The following PLK3 variants were observed in gnomAD, a reference collection of about 807,000 sequenced individuals.
PLK3 encodes serine/threonine-protein kinase PLK3.
A neutral mutation model predicts 71.6 loss-of-function variants in PLK3; 41 were observed. The observed-to-expected ratio is 0.57, with a 90% CI of 0.45 to 0.74. The LOEUF is 0.74. Ranked by LOEUF, PLK3 falls within the 30% of genes least tolerant of loss-of-function variation. The pLI is 0.00. For missense variants in PLK3, 791 were observed against 875.6 expected, an observed-to-expected ratio of 0.90 and a Z score of 1.22; for synonymous variants, 366 against 355.4, an observed-to-expected ratio of 1.03 and a Z score of -0.33.
At position 44,803,199 on chromosome 1, in the gene PLK3, G is replaced by T. The variant is rs762324297; in HGVS notation, c.948+46G>T. The T allele has an allele frequency of 4.0e-5, 65 of 1,611,852 alleles. No homozygotes were observed. The highest frequency in any genetic ancestry group is 5.3e-5 in the Non-Finnish European group (62 of 1,178,302). Reference sequence around the variant, plus strand: ...CTAAGTCCATCTGTGTATTCCCAGGGATTGAAAGGGGGCAGGTGACAGGAC... The same window carrying T: ...CTAAGTCCATCTGTGTATTCCCAGGTATTGAAAGGGGGCAGGTGACAGGAC... On this transcript the variant is annotated intron_variant, in intron 7 of 14. Coordinates refer to ENST00000372201, the MANE Select transcript of PLK3 (RefSeq NM_004073.4). The surrounding 1 kb of genome is among the most constrained non-coding windows in gnomAD (Gnocchi z 4.3).
intron 13 of PLK3, chr1:44,805,055 G>A (rs1651976775): frequency 1.7e-6 from 1 of 585,148 alleles, no homozygotes; most frequent in Non-Finnish European, 3.0e-6. Flanking sequence ...AGTGAGCAGA[G>A]ATGGCGCACC....
rs11211036 is a variant in PLK3 at position 44,804,352 on chromosome 1, G to A, written c.1356G>A (p.Pro452=). ...IAFMPPAEQN[P]APLAQPEPLV... ...CTCCCATGACAGCGGAACAGAACCC[G>A]GCCCCCCTGGCCCAGCCAGAGCCTC... Residue 452 remains proline (P), a synonymous_variant, in exon 12 of 15, where the codon CCG becomes CCA. Transcript: ENST00000372201. 1.9e-6 allele frequency: 3 copies of A among 1,613,992 alleles called. No homozygotes were observed. The highest frequency in any genetic ancestry group is 1.1e-5 in the South Asian group (1 of 91,084).
chr1:44,802,792 C>T lies in PLK3; in HGVS notation c.686C>T (p.Pro229Leu). ...TICGTPNYVA[P>L]EVLLRQGHGP... is the part of the protein sequence containing the mutation. The stretch of plus-strand genomic sequence containing the variant: ...TGTGGCACCCCCAACTATGTGGCTC[C>T]AGAAGTGCTGCTGAGACAGGGCCAC... The change falls in exon 6 of 15, where the codon CCA (proline) becomes CTA (leucine). Residue 229 changes from proline to leucine, a missense_variant. By Grantham distance (98) the Pro-to-Leu change is moderately conservative. Transcript: ENST00000372201. The T allele has an allele frequency of 6.2e-7, 1 of 1,613,788 alleles. No homozygotes were observed. Among genetic ancestry groups the T allele is most frequent in the Non-Finnish European group, 8.5e-7 (1 of 1,179,920 alleles).
At position 44,803,232 on chromosome 1, in the gene PLK3, G is replaced by A. The variant is rs1215813015; in HGVS notation, c.949-36G>A. 6.2e-7 allele frequency: 1 copy of A among 1,612,410 alleles called. No individual in the cohort carries two copies. The highest frequency in any genetic ancestry group is 1.7e-4 in the Middle Eastern group (1 of 6,056). On this transcript the variant is annotated intron_variant, in intron 7 of 14. Transcript: ENST00000372201. This position sits in a 1 kb window ranked among gnomAD's most constrained non-coding sequence, Gnocchi z 4.3. Reference sequence around the variant, plus strand: ...GGGGGCAGGTGACAGGACCCCTGGAGCCTCTCTTCTCTGTTCACATGGTTC... The same window carrying A: ...GGGGGCAGGTGACAGGACCCCTGGAACCTCTCTTCTCTGTTCACATGGTTC...
At position 44,800,882 on chromosome 1, in the gene PLK3, G is replaced by A. The variant is rs553366106; in HGVS notation, c.253G>A (p.Gly85Ser). 509 of 1,611,986 alleles carry A rather than the reference G, an allele frequency of 3.2e-4. 10 individuals carry two copies. The South Asian group carries it at 5.3e-3, about 17-fold the overall frequency. The change falls in exon 2 of 15, where the codon GGC (glycine) becomes AGC (serine). Residue 85 changes from glycine (G) to serine (S), a missense_variant. Transcript: ENST00000372201. This position sits in a 1 kb window ranked among gnomAD's most constrained non-coding sequence, Gnocchi z 6.5. ...CTACGAGGCCACTGACACAGAGACT[G>A]GCAGCGCCTACGCTGTCAAAGTCAT... is the stretch of plus-strand genomic sequence containing the variant. Reference protein sequence around the residue: ...RCYEATDTETGSAYAVKVIPQ... With the variant: ...RCYEATDTETSSAYAVKVIPQ...
intron 13 of PLK3, 96 bp downstream of exon 13, chr1:44,804,875 G>T: frequency 8.1e-7 from 1 of 1,229,956 alleles, no homozygotes; most frequent in East Asian, 2.4e-5. Flanking sequence ...GGAGGCCGAG[G>T]CGGGTGGATT....
In PLK3 at chr1:44,803,813, C is replaced by T; in HGVS notation, c.1165-118C>T. 1.8e-6 allele frequency: 2 copies of T among 1,119,006 alleles called. No homozygotes were observed. The highest frequency in any genetic ancestry group is 2.6e-5 in the East Asian group (1 of 38,768). The allele number at this position is 1,119,006 out of a possible 1,614,324, so 69.3% of individuals were successfully genotyped here. On this transcript the variant is annotated intron_variant, in intron 9 of 14. Transcript: ENST00000372201. This position sits in a 1 kb window ranked among gnomAD's most constrained non-coding sequence, Gnocchi z 4.3. ...CGTGGTGGCCTAATTGGCTGTGTGT[C>T]ACCAGCCTGGCGGGGCTGACCTGGG...
In PLK3 at chr1:44,800,852, C is replaced by T. The variant is rs775512375; in HGVS notation, c.223C>T (p.Arg75Cys). ...GRLLGKGGFA[R>C]CYEATDTETG... ...CCCCTCTTCACAGGGGGGCTTCGCC[C>T]GCTGCTACGAGGCCACTGACACAGA... The change falls in exon 2 of 15, where the codon CGC becomes TGC. Residue 75 changes from arginine (R) to cysteine (C), a missense_variant. By Grantham distance (180) the Arg-to-Cys change is radical. Coordinates refer to ENST00000372201, the MANE Select transcript of PLK3 (RefSeq NM_004073.4). This position sits in a 1 kb window ranked among gnomAD's most constrained non-coding sequence, Gnocchi z 6.5. The T allele has an allele frequency of 2.5e-6, 4 of 1,610,258 alleles. No homozygotes were observed. In the Admixed American group the frequency reaches 5.0e-5, roughly 20 times the overall value.
intron 3 of PLK3, 45 bp from the exon 4 acceptor site, chr1:44,801,577 G>T: frequency 6.3e-7 from 1 of 1,599,440 alleles, no homozygotes; most frequent in East Asian, 2.2e-5. Flanking sequence ...GGAGGGGGAG[G>T]GGGAGGGAGG....
In PLK3 at chr1:44,805,337, G is replaced by A. The variant is rs1027184074; in HGVS notation, c.1707G>A (p.Thr569=). 2 of 1,613,922 alleles carry A rather than the reference G, an allele frequency of 1.2e-6. No homozygotes were observed. Among genetic ancestry groups the A allele is most frequent in the African/African-American group, 1.3e-5 (1 of 74,912 alleles). ...CCTTGCTGCTGCAGTGGGTCAAGAC[G>A]GATCAGGCTCTCCTCATGCTGTTTA... is the stretch of plus-strand genomic sequence containing the variant. The part of the protein sequence containing the change: ...APPLLLQWVK[T]DQALLMLFSD... Residue 569 remains threonine (T), a synonymous_variant, in exon 14 of 15, where the codon ACG becomes ACA. Transcript: ENST00000372201.
At position 44,803,067 on chromosome 1, in the gene PLK3, C is replaced by T. The variant is rs183635555; in HGVS notation, c.862C>T (p.Arg288Trp). The T allele has an allele frequency of 9.2e-5, 148 of 1,613,934 alleles. 1 individual carries two copies. Among genetic ancestry groups the T allele is most frequent in the South Asian group, 4.4e-4 (40 of 91,080 alleles). The stretch of plus-strand genomic sequence containing the variant: ...GCCTGCCAGCCTCTCACTGCCTGCC[C>T]GGCAGCTCCTGGCCGCCATCCTTCG... ...TLPASLSLPA[R>W]QLLAAILRAS... Residue 288 changes from arginine (R) to tryptophan (W), a missense_variant, in exon 7 of 15, where the codon CGG becomes TGG. Coordinates refer to ENST00000372201, the MANE Select transcript of PLK3 (RefSeq NM_004073.4). The surrounding 1 kb of genome is among the most constrained non-coding windows in gnomAD (Gnocchi z 4.3).
intron 3 of PLK3, 107 bp downstream of exon 3, chr1:44,801,259 G>C: frequency 1.4e-6 from 1 of 707,636 alleles, no homozygotes; most frequent in Non-Finnish European, 2.3e-6. Flanking sequence ...GCCCAGGCTG[G>C]AGTGCAGTGG....
In PLK3 at chr1:44,805,754, G is replaced by A. The variant is rs1652015058; in HGVS notation, c.*76G>A. Reference sequence around the variant, plus strand: ...CCTTTGTGGCCTTCCCCCTTCCTTTGGTGCCTCACTGGGGGCTTTGGGCCG... The same window carrying A: ...CCTTTGTGGCCTTCCCCCTTCCTTTAGTGCCTCACTGGGGGCTTTGGGCCG... On this transcript the variant is annotated 3_prime_UTR_variant, in exon 15 of 15. Transcript: ENST00000372201. 1 of 1,476,676 alleles carries A rather than the reference G, an allele frequency of 6.8e-7. No individual in the cohort carries two copies. The highest frequency in any genetic ancestry group is 1.9e-5 in the Admixed American group (1 of 52,606). 91.5% of individuals were successfully genotyped at this position (1,476,676 alleles called of 1,614,324 possible). A position where few individuals can be genotyped will look rare whatever the true frequency, so the allele number is the denominator to read the frequency against.
Position 44,805,632 on chromosome 1 carries a change from G to C in PLK3, c.1895G>C (p.Arg632Pro). The change falls in exon 15 of 15, where the codon CGA becomes CCA. Residue 632 changes from arginine to proline, a missense_variant. Transcript: ENST00000372201. Reference sequence around the variant, plus strand: ...GGCTGCTCTCCAGACCTGCGGCAGCGACTCCGCTATGCTCTGCGCCTGCTC... The same window carrying C: ...GGCTGCTCTCCAGACCTGCGGCAGCCACTCCGCTATGCTCTGCGCCTGCTC... Reference protein sequence around the residue: ...QLGCSPDLRQRLRYALRLLRD... With the variant: ...QLGCSPDLRQPLRYALRLLRD... 3 of 1,613,896 alleles carry C rather than the reference G, an allele frequency of 1.9e-6. No individual in the cohort carries two copies. The highest frequency in any genetic ancestry group is 1.6e-4 in the Middle Eastern group (1 of 6,062).
Position 44,800,486 on chromosome 1 carries a change from T to C in PLK3, c.23T>C (p.Leu8Pro), listed in dbSNP as rs929413783. 1.8e-5 allele frequency: 26 copies of C among 1,432,244 alleles called. 1 individual carries two copies. In the African/African-American group the frequency reaches 3.8e-4, roughly 21 times the overall value. The allele number at this position is 1,432,244 out of a possible 1,614,324, so 88.7% of individuals were successfully genotyped here. The change falls in exon 1 of 15, where the codon CTG becomes CCG. Residue 8 changes from leucine to proline, a missense_variant. By Grantham distance (98) the Leu-to-Pro change is moderately conservative (BLOSUM62 -3). Transcript: ENST00000372201. The surrounding 1 kb of genome is among the most constrained non-coding windows in gnomAD (Gnocchi z 6.5). ...CGCATGGAGCCTGCCGCCGGTTTCC[T>C]GTCTCCGCGCCCCTTCCAGCGTGCG... is the stretch of plus-strand genomic sequence containing the variant. Reference protein sequence around the residue: MEPAAGFLSPRPFQRAAA... With the variant: MEPAAGFPSPRPFQRAAA...
chr1:44,805,020 G>C, intron 13 of PLK3: 1 of 578,876 alleles, frequency 1.7e-6, no homozygotes, highest in Non-Finnish European at 3.1e-6. Flanking sequence ...CAGGAGAATG[G>C]GCGAACCCAG....
chr1:44,800,403 A>C lies in PLK3; in HGVS notation c.-61A>C. ...CAGCGTAGCAAATCCAGGCAGCGCC[A>C]CGCGCGGCCGGGGCCGGGCGGAACC... On this transcript the variant is annotated 5_prime_UTR_variant, in exon 1 of 15. Coordinates refer to ENST00000372201, the MANE Select transcript of PLK3 (RefSeq NM_004073.4). The surrounding 1 kb of genome is among the most constrained non-coding windows in gnomAD (Gnocchi z 6.5). The C allele has an allele frequency of 1.6e-6, 2 of 1,243,278 alleles. No homozygotes were observed. Among genetic ancestry groups the C allele is most frequent in the Non-Finnish European group, 2.0e-6 (2 of 994,640 alleles). The allele number at this position is 1,243,278 out of a possible 1,614,324, so 77.0% of individuals were successfully genotyped here.
chr1:44,802,705 G>T (rs1338429009), intron 5 of PLK3, 55 bp from the exon 6 acceptor site: 1 of 1,215,658 alleles, frequency 8.2e-7, no homozygotes, highest in Middle Eastern at 2.7e-4. Flanking sequence ...GGAAGGAGTC[G>T]GGGGGCTGCT....
chr1:44,803,716 T>C lies in PLK3; in HGVS notation c.1164+25T>C. ...GGTGAGGCGCTCAGGTGGACACTGT[T>C]CCCCTGACTCACCCCCACCCTAGCA... is the stretch of plus-strand genomic sequence containing the variant. On this transcript the variant is annotated intron_variant, in intron 9 of 14. Transcript: ENST00000372201. This position sits in a 1 kb window ranked among gnomAD's most constrained non-coding sequence, Gnocchi z 4.3. 1 of 1,527,066 alleles carries C rather than the reference T, an allele frequency of 6.5e-7. No individual in the cohort carries two copies. Among genetic ancestry groups the C allele is most frequent in the Non-Finnish European group, 9.0e-7 (1 of 1,106,160 alleles). 94.6% of individuals were successfully genotyped at this position (1,527,066 alleles called of 1,614,324 possible).
Sources: gnomAD v4.1 joint callset for allele counts on GRCh38, gnomAD v4.1.1 for gene constraint, Gnocchi (gnomAD v3.1) non-coding constraint, MANE v1.5 for transcripts, NCBI Gene and HGNC (gene_info 2026-07-23, HGNC 2026-07-21) for gene names.